ZNF107: variants seen among roughly 807,000 people sequenced by gnomAD.
The protein encoded by ZNF107 is zinc finger protein 107, also known as C2H2 type zinc-finger protein.
Under a neutral mutation model 12.3 loss-of-function variants are expected in ZNF107, and 19 were observed. The observed-to-expected ratio is 1.55, with a 90% CI of 1.08 to 2.27. The LOEUF (loss-of-function observed/expected upper bound fraction) is 2.27, where lower values mean the gene tolerates loss of function less well. Ranked by LOEUF, ZNF107 falls within the 30% of genes most tolerant of loss-of-function variation. ZNF107 has a pLI of 0.00. For missense variants in ZNF107, 958 were observed against 979.9 expected, an observed-to-expected ratio of 0.98 and a Z score of 0.30; for synonymous variants, 317 against 330.5, an observed-to-expected ratio of 0.96 and a Z score of 0.44.
intron 1 of ZNF107, 32 bp downstream of exon 1, chr7:64,666,317 G>A: frequency 6.2e-7 from 1 of 1,607,428 alleles, no homozygotes; most frequent in Non-Finnish European, 8.5e-7. Flanking sequence ...TCCCGAGAGA[G>A]GGGGAGGGGC....
At chr7:64,671,779 CTT>C (rs1213610930) in intron 1 of ZNF107, among the ~76,000 whole-genome samples, 2 of 116,558 alleles carry the variant, frequency 1.7e-5, no homozygotes, top group African/African-American at 3.3e-5. Context: ...CCTTTTTGTT[CTT>C]TTTTTTTTTT....
chr7:64,706,264 TTAAA>T (rs1790637008), intron 3 of ZNF107, 56 bp from the exon 4 acceptor site: 1 of 1,415,692 alleles, frequency 7.1e-7, no homozygotes, highest in African/African-American at 1.4e-5. Context: ...AGATTAGATT[TTAAA>T]GTACATTTAT....
intron 1 of ZNF107, among the ~76,000 whole-genome samples, chr7:64,672,179 A>G (rs936763771): frequency 6.6e-6 from 1 of 152,000 alleles, no homozygotes; most frequent in Non-Finnish European, 1.5e-5. Flanking sequence ...TAGCTCTTAT[A>G]CATGAGAAAA....
At chr7:64,690,515 G>A (rs747198143) in intron 1 of ZNF107, 3 of 984,714 alleles carry the variant, frequency 3.0e-6, no homozygotes, top group Non-Finnish European at 3.6e-6. Context: ...GGAGATAAAT[G>A]GGAAAAAAAG....
At chr7:64,678,528 G>T (rs973085308) in intron 1 of ZNF107, among the ~76,000 whole-genome samples, 1 of 152,130 alleles carries the variant, frequency 6.6e-6, no homozygotes. Context: ...TAGTATAAAT[G>T]TAAGGCCACA....
chr7:64,706,435 T>C lies in ZNF107; in HGVS notation c.338T>C (p.Leu113Ser), dbSNP rs760815339. The C allele has an allele frequency of 9.3e-6, 15 of 1,613,400 alleles. No homozygotes were observed. Among genetic ancestry groups the C allele is most frequent in the African/African-American group, 1.3e-5 (1 of 74,882 alleles). ...AAATGTGAATATGAGAATTTACAGT[T>C]AAGAAAAGGCTGTAAACATGTGGAT... ...YGKCEYENLQLRKGCKHVDEC... is the reference protein window; with the variant it reads ...YGKCEYENLQSRKGCKHVDEC... The change falls in exon 4 of 4, where the codon TTA becomes TCA. Residue 113 changes from leucine (L) to serine (S), a missense_variant. Physicochemically the swap from Leu to Ser is moderately radical, Grantham distance 145. Transcript: ENST00000620827.
At chr7:64,696,067 AT>A (rs879605438) in intron 3 of ZNF107, among the ~76,000 whole-genome samples, 309 of 144,010 alleles carry the variant, frequency 2.1e-3, no homozygotes, top group Middle Eastern at 7.2e-3. Context: ...CCTCTCTACA[AT>A]TTTTTTTTTT....
At chr7:64,683,610 C>T (rs1024582260) in intron 1 of ZNF107, among the ~76,000 whole-genome samples, 5 of 152,174 alleles carry the variant, frequency 3.3e-5, no homozygotes, top group Non-Finnish European at 7.4e-5. Flanking sequence ...AATCTATTCT[C>T]TTATCCCTCC....
At chr7:64,673,429 GTTGT>G (rs1251797786) in intron 1 of ZNF107, among the ~76,000 whole-genome samples, 3 of 152,142 alleles carry the variant, frequency 2.0e-5, no homozygotes, top group Non-Finnish European at 4.4e-5. Context: ...TTTTAATAAG[GTTGT>G]TTGTGTTTTT....
Position 64,707,956 on chromosome 7 carries a change from C to T in ZNF107, c.1859C>T (p.Pro620Leu), listed in dbSNP as rs979428212. The change falls in exon 4 of 4, where the codon CCC (proline) becomes CTC (leucine). Residue 620 changes from proline to leucine, a missense_variant. Physicochemically the swap from Pro to Leu is moderately conservative, Grantham distance 98. Transcript: ENST00000620827. ...IHKIIHTGEK[P>L]YKCEEHGKVF... ...AAAATTATTCATACTGGAGAGAAAC[C>T]CTACAAATGTGAAGAACATGGCAAA... 6.2e-7 allele frequency: 1 copy of T among 1,613,476 alleles called. No homozygotes were observed. The highest frequency in any genetic ancestry group is 8.5e-7 in the Non-Finnish European group (1 of 1,179,728).
intron 1 of ZNF107, among the ~76,000 whole-genome samples, chr7:64,679,997 G>A (rs143844963): frequency 1.5e-3 from 233 of 151,930 alleles, no homozygotes; most frequent in African/African-American, 5.0e-3. Context: ...AGACCCTTCC[G>A]ATATTTCTCC....
At position 64,691,878 on chromosome 7, in the gene ZNF107, TA is replaced by T; in HGVS notation, c.146del (p.Lys49SerfsTer4). ...TCAATAAAACAGGTATTGCTGTCTC[TA>T]AGCCATATCTGATCACCTGTCTGGA... ...NLVFLGIAVS[K>X]PYLITCLEQK... On this transcript the variant is annotated frameshift_variant, in exon 3 of 4. Transcript: ENST00000620827. LOFTEE classifies it high-confidence loss of function. 1 of 1,477,678 alleles carries T rather than the reference TA, an allele frequency of 6.8e-7. No homozygotes were observed. The highest frequency in any genetic ancestry group is 8.9e-7 in the Non-Finnish European group (1 of 1,120,726). 91.5% of individuals were successfully genotyped at this position (1,477,678 alleles called of 1,614,324 possible).
At chr7:64,670,965 G>A (rs537538468) in intron 1 of ZNF107, among the ~76,000 whole-genome samples, 2 of 152,264 alleles carry the variant, frequency 1.3e-5, no homozygotes, top group South Asian at 4.2e-4. Flanking sequence ...AGTGTTGTGG[G>A]ACTGAGCCCT....
chr7:64,672,035 C>CT (rs1382243684), intron 1 of ZNF107, among the ~76,000 whole-genome samples: 2 of 152,050 alleles, frequency 1.3e-5, no homozygotes, highest in Non-Finnish European at 2.9e-5. Flanking sequence ...ATCCACCCGC[C>CT]TCGGCCTCCC....
chr7:64,706,906 C>T lies in ZNF107; in HGVS notation c.809C>T (p.Ser270Leu). Residue 270 changes from serine (S) to leucine (L), a missense_variant, in exon 4 of 4, where the codon TCA becomes TTA. Transcript: ENST00000620827. The part of the protein sequence containing the change: ...EECGKAFKQA[S>L]HLTIHKIIHT... Reference sequence around the variant, plus strand: ...TGTGGCAAGGCCTTTAAACAGGCCTCACACCTTACTATACATAAAATAATT... The same window carrying T: ...TGTGGCAAGGCCTTTAAACAGGCCTTACACCTTACTATACATAAAATAATT... 1 of 1,612,728 alleles carries T rather than the reference C, an allele frequency of 6.2e-7. No homozygotes were observed. Among genetic ancestry groups the T allele is most frequent in the Non-Finnish European group, 8.5e-7 (1 of 1,179,514 alleles).
At position 64,707,092 on chromosome 7, in the gene ZNF107, A is replaced by G. The variant is rs766416334; in HGVS notation, c.995A>G (p.Lys332Arg). The change falls in exon 4 of 4, where the codon AAG becomes AGG. Residue 332 changes from lysine (K) to arginine (R), a missense_variant. Lys to Arg is a conservative substitution (Grantham distance 26, BLOSUM62 2). Transcript: ENST00000620827. ...FNLFSNLTNH[K>R]RIHAGEKPYK... ...CTATTCTCAAATCTTACTAACCATA[A>G]GAGAATTCATGCTGGGGAGAAACCC... 1 of 1,612,562 alleles carries G rather than the reference A, an allele frequency of 6.2e-7. No individual in the cohort carries two copies. Among genetic ancestry groups the G allele is most frequent in the Non-Finnish European group, 8.5e-7 (1 of 1,179,488 alleles).
chr7:64,676,924 T>C (rs1214763528), intron 1 of ZNF107, among the ~76,000 whole-genome samples: 1 of 151,866 alleles, frequency 6.6e-6, no homozygotes, highest in African/African-American at 2.4e-5. Context: ...TGTCATCTTA[T>C]GTTAAAAAAA....
At position 64,711,075 on chromosome 7, in the gene ZNF107, A is replaced by G. The variant is rs1790872666; in HGVS notation, c.*2419A>G. 6.6e-6 allele frequency: 1 copy of G among 152,162 alleles called. No homozygotes were observed. The highest frequency in any genetic ancestry group is 2.4e-5 in the African/African-American group (1 of 41,462). 9.4% of individuals were successfully genotyped at this position (152,162 alleles called of 1,614,324 possible). On this transcript the variant is annotated 3_prime_UTR_variant, in exon 4 of 4. Transcript: ENST00000620827. ...GTTTTTTAATTAAACTTTTTTTAAC[A>G]TGTTAAAACTATTGTGCATTCAATG...
intron 1 of ZNF107, among the ~76,000 whole-genome samples, chr7:64,666,605 G>T (rs934024634): frequency 1.6e-4 from 25 of 152,330 alleles, no homozygotes; most frequent in African/African-American, 6.0e-4. Context: ...CCCCGATTGT[G>T]CAGGGATGCC....
Sources: allele counts gnomAD v4.1 joint callset (sites outside exome capture counted in the v4.1 genomes callset), GRCh38; gene constraint gnomAD v4.1.1; transcripts MANE v1.5; gene names NCBI Gene and HGNC (gene_info 2026-07-23, HGNC 2026-07-21).